Variants in PRKG1 observed in about 807,000 individuals in gnomAD.
The protein encoded by PRKG1 is cGMP-dependent protein kinase 1.
PRKG1 carries 35 observed loss-of-function variants against 88.1 expected under a neutral mutation model. That is an observed-to-expected ratio of 0.40 (90% CI 0.30 to 0.53). The LOEUF (loss-of-function observed/expected upper bound fraction) is 0.53, where lower values mean the gene tolerates loss of function less well. Among genes scored for constraint, PRKG1 ranks in the 20% least tolerant of loss-of-function variants. The probability of loss-of-function intolerance (pLI) is 0.59; values close to 1 mark genes in which losing one functional copy is unlikely to be tolerated. For missense variants in PRKG1, 540 were observed against 839.8 expected (o/e 0.64, Z 4.41); for synonymous variants, 303 against 292.5 (o/e 1.04, Z -0.37).
rs568340673 is a variant in PRKG1 at position 51,383,444 on chromosome 10, G to A, written c.479-84279G>A. ...GCCCTTTATATAGCAATAGAAATTC[G>A]CATATTTAATTTTTACAGCAAGCCT... On this transcript the variant is annotated intron_variant, in intron 2 of 17. Coordinates refer to ENST00000373980, the MANE Select transcript of PRKG1 (RefSeq NM_006258.4). 5.9e-5 allele frequency among the ~76,000 whole-genome samples: 9 copies of A among 152,206 alleles called. No individual in the cohort carries two copies. In the South Asian group the frequency reaches 6.2e-4, roughly 11 times the overall value.
chr10:51,109,295 A>G (rs74351374), intron 1 of PRKG1, among the ~76,000 whole-genome samples: 1 of 152,274 alleles, frequency 6.6e-6, no homozygotes, highest in African/African-American at 2.4e-5. Context: ...AAAGAAGAAA[A>G]AAGGTGGAGG....
At chr10:51,701,619 T>A (rs1032899827) in intron 3 of PRKG1, among the ~76,000 whole-genome samples, 2 of 152,158 alleles carry the variant, frequency 1.3e-5, no homozygotes, top group Admixed American at 6.5e-5. Context: ...TAAAGACAAA[T>A]CTATTTTTCT....
At chr10:52,145,441 T>A (rs187906263) in intron 8 of PRKG1, among the ~76,000 whole-genome samples, 3 of 152,354 alleles carry the variant, frequency 2.0e-5, no homozygotes, top group African/African-American at 7.2e-5. Context: ...ATTTCTTCAG[T>A]TAAAAAGATA....
intron 9 of PRKG1, among the ~76,000 whole-genome samples, chr10:52,239,521 T>TAAAAAAAAAA: frequency 2.6e-4 from 15 of 56,740 alleles, no homozygotes; most frequent in Non-Finnish European, 3.5e-4. Context: ...TTCTACAGTG[T>TAAAAAAAAAA]AAAAAAAAAA....
At chr10:52,004,050 A>T (rs1050561792) in intron 5 of PRKG1, among the ~76,000 whole-genome samples, 1 of 152,190 alleles carries the variant, frequency 6.6e-6, no homozygotes, top group African/African-American at 2.4e-5. Context: ...AGCTTTTTGC[A>T]CGTAATAAGC....
chr10:52,032,213 A>T (rs997353718), intron 5 of PRKG1, among the ~76,000 whole-genome samples: 1 of 152,190 alleles, frequency 6.6e-6, no homozygotes, highest in African/African-American at 2.4e-5. Flanking sequence ...TTCTAGGATC[A>T]TTGTTACTAA....
chr10:51,081,673 T>C lies in PRKG1; in HGVS notation c.311+6772T>C, dbSNP rs369833130. 3.9e-4 allele frequency among the ~76,000 whole-genome samples: 60 copies of C among 152,312 alleles called. 1 individual carries two copies. The East Asian group carries it at 0.011, about 27-fold the overall frequency. On this transcript the variant is annotated intron_variant, in intron 1 of 17. Coordinates refer to ENST00000373980, the MANE Select transcript of PRKG1 (RefSeq NM_006258.4). The stretch of plus-strand genomic sequence containing the variant: ...AATTACACTGCTCATCATCATCAGA[T>C]TGGGTAACATTTATGGAGCACTAAC...
At chr10:52,152,986 A>G (rs145829534) in intron 8 of PRKG1, among the ~76,000 whole-genome samples, 5 of 152,312 alleles carry the variant, frequency 3.3e-5, no homozygotes, top group Admixed American at 6.5e-5. Flanking sequence ...AGACTGACCA[A>G]AAACTAACAA....
intron 9 of PRKG1, among the ~76,000 whole-genome samples, chr10:52,184,158 G>A (rs12266206): frequency 6.6e-6 from 1 of 152,064 alleles, no homozygotes; most frequent in Admixed American, 6.6e-5. Flanking sequence ...TTAAAGTTTT[G>A]CTTTTTAAAA....
At chr10:51,828,342 A>G (rs772345558) in intron 4 of PRKG1, among the ~76,000 whole-genome samples, 3 of 152,180 alleles carry the variant, frequency 2.0e-5, no homozygotes, top group Non-Finnish European at 4.4e-5. Flanking sequence ...TAACATATTG[A>G]TAAGGGCTTT....
At chr10:51,480,970 G>A (rs78751563) in intron 3 of PRKG1, among the ~76,000 whole-genome samples, 1 of 152,052 alleles carries the variant, frequency 6.6e-6, no homozygotes, top group East Asian at 1.9e-4. Flanking sequence ...GCACATGGGT[G>A]TATCTACAAA....
At chr10:51,597,657 T>A (rs547024827) in intron 3 of PRKG1, among the ~76,000 whole-genome samples, 1 of 152,316 alleles carries the variant, frequency 6.6e-6, no homozygotes, top group African/African-American at 2.4e-5. Flanking sequence ...TACAGATTAT[T>A]GCCAACTCTC....
chr10:51,915,593 A>G (rs1842322206), intron 5 of PRKG1, among the ~76,000 whole-genome samples: 1 of 151,952 alleles, frequency 6.6e-6, no homozygotes, highest in Non-Finnish European at 1.5e-5. Flanking sequence ...GGGGAGGATA[A>G]AAAGAGAAGA....
chr10:51,774,483 C>A (rs1037971124), intron 3 of PRKG1, among the ~76,000 whole-genome samples: 10 of 152,000 alleles, frequency 6.6e-5, no homozygotes, highest in African/African-American at 2.4e-4. Flanking sequence ...AACATATATT[C>A]AATTTAAAAT....
chr10:51,440,176 T>A (rs541500560), intron 2 of PRKG1, among the ~76,000 whole-genome samples: 3 of 151,494 alleles, frequency 2.0e-5, no homozygotes, highest in African/African-American at 7.2e-5. Flanking sequence ...TCATGCTGTG[T>A]CTTATCTCCA....
intron 4 of PRKG1, among the ~76,000 whole-genome samples, chr10:51,888,075 T>G (rs1564693763): frequency 6.6e-6 from 1 of 152,098 alleles, no homozygotes; most frequent in Non-Finnish European, 1.5e-5. Flanking sequence ...AGAACACAAA[T>G]AAATTATTGG....
intron 2 of PRKG1, among the ~76,000 whole-genome samples, chr10:51,429,449 A>G (rs1838694700): frequency 6.6e-6 from 1 of 152,166 alleles, no homozygotes; most frequent in Non-Finnish European, 1.5e-5. Flanking sequence ...ACACATAAAG[A>G]AAGAAAAATG....
At chr10:51,810,745 T>G (rs1304773277) in intron 4 of PRKG1, among the ~76,000 whole-genome samples, 1 of 152,236 alleles carries the variant, frequency 6.6e-6, no homozygotes, top group Non-Finnish European at 1.5e-5. Flanking sequence ...ACTTTATACT[T>G]TCATTTGATA....
At chr10:51,591,463 C>A (rs1838311132) in intron 3 of PRKG1, among the ~76,000 whole-genome samples, 1 of 152,140 alleles carries the variant, frequency 6.6e-6, no homozygotes, top group South Asian at 2.1e-4. Flanking sequence ...TGAGGATTTT[C>A]CTCATAGATA....
Sources: gnomAD v4.1 joint callset for allele counts (sites outside exome capture counted in the v4.1 genomes callset) on GRCh38, gnomAD v4.1.1 for gene constraint, MANE v1.5 for transcripts, NCBI Gene and HGNC (gene_info 2026-07-23, HGNC 2026-07-21) for gene names.